C12orf42: variants seen among roughly 807,000 people sequenced by gnomAD.
C12orf42 encodes uncharacterized protein C12orf42.
Under a neutral mutation model 21.6 loss-of-function variants are expected in C12orf42, and 25 were observed. That is an observed-to-expected ratio of 1.16 (90% CI 0.84 to 1.62). C12orf42 has a LOEUF of 1.62. Ranked by LOEUF, C12orf42 falls within the 40% of genes most tolerant of loss-of-function variation. The probability of loss-of-function intolerance (pLI) is 0.00; values close to 1 mark genes in which losing one functional copy is unlikely to be tolerated. For missense variants in C12orf42, 483 were observed against 459.3 expected, an observed-to-expected ratio of 1.05 and a Z score of -0.47; for synonymous variants, 174 against 175.0, an observed-to-expected ratio of 0.99 and a Z score of 0.05.
At chr12:103,557,998 G>A in the C12orf42 span, 2 of 152,274 alleles carry the variant, frequency 1.3e-5, no homozygotes, top group South Asian at 2.1e-4. Context: ...TACATACATT[G>A]CGCTATAGAA....
chr12:103,513,957 C>G, the C12orf42 span, among the ~76,000 whole-genome samples: 10 of 152,126 alleles, frequency 6.6e-5, no homozygotes, highest in Non-Finnish European at 1.5e-4. Flanking sequence ...TTAATCCATT[C>G]TCATGTTGTG....
rs1210659149 is a variant in C12orf42, at chr12:103,425,539, C to A, written c.79-23864G>T. Among the ~76,000 whole-genome samples, 6 of 152,178 alleles carry A rather than the reference C, an allele frequency of 3.9e-5. No homozygotes were observed. In the South Asian group the frequency reaches 1.2e-3, roughly 32 times the overall value. ...GCAGCCTCTGCTGGTGATACTCAGG[C>A]AAACAGGGTCTGGAGTGGACCTCCA... On this transcript the variant is annotated intron_variant, in intron 2 of 5. Transcript: ENST00000548883.
At chr12:103,174,587 G>C in the C12orf42 span, among the ~76,000 whole-genome samples, 1 of 152,108 alleles carries the variant, frequency 6.6e-6, no homozygotes, top group Admixed American at 6.6e-5. Context: ...TTTTTAGCCT[G>C]ACTTCTAATC....
At chr12:103,203,877 G>C in the C12orf42 span, among the ~76,000 whole-genome samples, 56 of 152,282 alleles carry the variant, frequency 3.7e-4, no homozygotes, top group African/African-American at 1.2e-3. Context: ...TTTTAGGCCA[G>C]AGAATGGCAA....
chr12:103,480,267 A>G (rs981501115), intron 1 of C12orf42, among the ~76,000 whole-genome samples: 4 of 151,816 alleles, frequency 2.6e-5, no homozygotes, highest in Non-Finnish European at 5.9e-5. Context: ...TTCAGCATAA[A>G]CAATTCTATT....
At chr12:103,467,531 G>T (rs557091253) in intron 2 of C12orf42, among the ~76,000 whole-genome samples, 1 of 152,222 alleles carries the variant, frequency 6.6e-6, no homozygotes, top group East Asian at 1.9e-4. Flanking sequence ...TAGGAGTGAG[G>T]GTCCTGCCCT....
At chr12:103,147,450 G>A in the C12orf42 span, among the ~76,000 whole-genome samples, 41 of 151,040 alleles carry the variant, frequency 2.7e-4, no homozygotes, top group African/African-American at 9.5e-4. Context: ...AGAAATCCAC[G>A]GCTGTGACAC....
intron 4 of C12orf42, among the ~76,000 whole-genome samples, chr12:103,366,814 G>A (rs927880882): frequency 5.9e-5 from 9 of 152,024 alleles, no homozygotes; most frequent in Non-Finnish European, 1.0e-4. Flanking sequence ...ATGTTGGTAT[G>A]GATGTGGTGA....
At chr12:103,290,980 C>A (rs1264516127) in intron 4 of C12orf42, among the ~76,000 whole-genome samples, 1 of 152,054 alleles carries the variant, frequency 6.6e-6, no homozygotes, top group South Asian at 2.1e-4. Context: ...CACCACTATG[C>A]TATACATGCA....
chr12:103,540,192 G>A, the C12orf42 span, among the ~76,000 whole-genome samples: 1 of 152,128 alleles, frequency 6.6e-6, no homozygotes, highest in African/African-American at 2.4e-5. Context: ...ATTTTTAGTA[G>A]AGACGGGGTT....
At chr12:103,196,341 G>T in the C12orf42 span, among the ~76,000 whole-genome samples, 1 of 152,092 alleles carries the variant, frequency 6.6e-6, no homozygotes, top group African/African-American at 2.4e-5. Context: ...GTTCAGAATT[G>T]TTTTATCACT....
At chr12:103,438,657 G>A (rs372490732) in intron 2 of C12orf42, among the ~76,000 whole-genome samples, 44 of 151,972 alleles carry the variant, frequency 2.9e-4, no homozygotes, top group South Asian at 2.3e-3. Context: ...CCCATTCACA[G>A]TTGCTTCAAA....
At chr12:103,487,904 T>A (rs1410487401) in intron 1 of C12orf42, among the ~76,000 whole-genome samples, 1 of 152,226 alleles carries the variant, frequency 6.6e-6, no homozygotes, top group African/African-American at 2.4e-5. Flanking sequence ...CTTGACTCTT[T>A]ATCCAATTTG....
chr12:103,113,723 G>A, the C12orf42 span, among the ~76,000 whole-genome samples: 26 of 152,180 alleles, frequency 1.7e-4, no homozygotes, highest in Non-Finnish European at 2.6e-4. Flanking sequence ...TTTAAGGTAA[G>A]TAAAGTTTAA....
At chr12:103,285,688 T>C (rs940690933) in intron 4 of C12orf42, among the ~76,000 whole-genome samples, 1 of 152,220 alleles carries the variant, frequency 6.6e-6, no homozygotes, top group Non-Finnish European at 1.5e-5. Context: ...ATTGGATGTA[T>C]AGTCTGATGC....
chr12:103,250,459 C>G (rs950896369), intron 10 of C12orf42, among the ~76,000 whole-genome samples: 2 of 152,022 alleles, frequency 1.3e-5, no homozygotes, highest in African/African-American at 4.8e-5. Flanking sequence ...GGTATAGCTT[C>G]GAACTGCACC....
At chr12:103,308,249 C>T (rs1276067957) in intron 4 of C12orf42, among the ~76,000 whole-genome samples, 1 of 152,050 alleles carries the variant, frequency 6.6e-6, no homozygotes, top group Non-Finnish European at 1.5e-5. Context: ...CTAGAGTTTA[C>T]ATGGAAAAAT....
At chr12:103,267,194 C>T (rs1003609058), downstream of C12orf42, among the ~76,000 whole-genome samples, 18 of 151,994 alleles carry the variant, frequency 1.2e-4, no homozygotes, top group African/African-American at 3.9e-4. Context: ...TTCTCTGGTT[C>T]GAGTCAATTC....
chr12:103,116,671 C>T, the C12orf42 span, among the ~76,000 whole-genome samples: 1 of 152,150 alleles, frequency 6.6e-6, no homozygotes, highest in Non-Finnish European at 1.5e-5. Flanking sequence ...GTGCAACATG[C>T]TAGGGATTCA....
Sources: allele counts gnomAD v4.1 joint callset (sites outside exome capture counted in the v4.1 genomes callset), GRCh38; gene constraint gnomAD v4.1.1; transcripts MANE v1.5; gene names NCBI Gene and HGNC (gene_info 2026-07-23, HGNC 2026-07-21).